CYP7B1: variants seen among roughly 807,000 people sequenced by gnomAD.
The protein encoded by CYP7B1 is cytochrome P450 7B1.
In CYP7B1, 29 loss-of-function variants were observed where a neutral mutation model predicts 42.7. The observed-to-expected ratio is 0.68, with a 90% CI of 0.51 to 0.93. The LOEUF (loss-of-function observed/expected upper bound fraction) is 0.93, where lower values mean the gene tolerates loss of function less well. Ranked by LOEUF, CYP7B1 falls within the 40% of genes least tolerant of loss-of-function variation. The probability of loss-of-function intolerance (pLI) is 0.00; values close to 1 mark genes in which losing one functional copy is unlikely to be tolerated. For synonymous variants in CYP7B1, 235 were observed against 218.2 expected, an observed-to-expected ratio of 1.08 and a Z score of -0.68; for missense variants, 655 against 600.5, an observed-to-expected ratio of 1.09 and a Z score of -0.95.
rs561811410 is a variant in CYP7B1, at chr8:64,755,639, C to T, written c.122+42827G>A. 7.2e-5 allele frequency among the ~76,000 whole-genome samples: 11 copies of T among 151,850 alleles called. No individual in the cohort carries two copies. The South Asian group carries it at 1.0e-3, about 14-fold the overall frequency. ...TCACCATGTTGGTCAGGCTGGAGACCGGCAAATTTTTTTCTGTACAAAGCT... is the reference window on the plus strand; with the variant it reads ...TCACCATGTTGGTCAGGCTGGAGACTGGCAAATTTTTTTCTGTACAAAGCT... On this transcript the variant is annotated intron_variant, in intron 1 of 5. Coordinates refer to ENST00000310193, the MANE Select transcript of CYP7B1 (RefSeq NM_004820.5).
chr8:64,625,304 G>A (rs1371068728), intron 1 of CYP7B1, among the ~76,000 whole-genome samples: 1 of 152,108 alleles, frequency 6.6e-6, no homozygotes, highest in Non-Finnish European at 1.5e-5. Context: ...TTGCATCCTG[G>A]TGAGCAATTT....
intron 4 of CYP7B1, among the ~76,000 whole-genome samples, chr8:64,614,623 G>A (rs1404401921): frequency 6.6e-6 from 1 of 152,084 alleles, no homozygotes; most frequent in Non-Finnish European, 1.5e-5. Context: ...TCATTTTAGG[G>A]AAGAAATACA....
chr8:64,642,339 C>G (rs1805870271), intron 1 of CYP7B1, among the ~76,000 whole-genome samples: 1 of 151,912 alleles, frequency 6.6e-6, no homozygotes, highest in Non-Finnish European at 1.5e-5. Flanking sequence ...CACTTTCTAC[C>G]CAGGGTCCAC....
chr8:64,683,406 T>C (rs952066900), intron 1 of CYP7B1, among the ~76,000 whole-genome samples: 1 of 152,156 alleles, frequency 6.6e-6, no homozygotes, highest in Non-Finnish European at 1.5e-5. Context: ...ATTGAACTCC[T>C]GGGCACAGAG....
Position 64,769,120 on chromosome 8 carries a change from C to T in CYP7B1, c.122+29346G>A, listed in dbSNP as rs373336752. On this transcript the variant is annotated intron_variant, in intron 1 of 5. Transcript: ENST00000310193. ...AATTATCACAATCATTAGTTGCAAA[C>T]AATTGAGTAAAACCAAATAAATGCA... is the stretch of plus-strand genomic sequence containing the variant. 3.9e-5 allele frequency among the ~76,000 whole-genome samples: 6 copies of T among 152,150 alleles called. No homozygotes were observed. The East Asian group carries it at 7.7e-4, about 19-fold the overall frequency.
chr8:64,620,915 T>C (rs935747475), intron 2 of CYP7B1, among the ~76,000 whole-genome samples: 14 of 152,234 alleles, frequency 9.2e-5, no homozygotes, highest in Admixed American at 7.2e-4. Flanking sequence ...GGCTATTTTT[T>C]TGAAAAGTGA....
intron 1 of CYP7B1, among the ~76,000 whole-genome samples, chr8:64,722,740 C>CG (rs1807258623): frequency 1.7e-3 from 10 of 5,820 alleles, no homozygotes; most frequent in Admixed American, 2.5e-3. Flanking sequence ...TGATTTTTTG[C>CG]GGCGGGGGGG....
At chr8:64,627,944 A>G (rs1298646155) in intron 1 of CYP7B1, among the ~76,000 whole-genome samples, 1 of 152,222 alleles carries the variant, frequency 6.6e-6, no homozygotes, top group South Asian at 2.1e-4. Flanking sequence ...CACACAGCAC[A>G]GTGCAAATAC....
intron 1 of CYP7B1, among the ~76,000 whole-genome samples, chr8:64,703,163 C>A (rs890576322): frequency 2.0e-5 from 3 of 152,078 alleles, no homozygotes; most frequent in African/African-American, 7.2e-5. Flanking sequence ...TCTCACATTT[C>A]TTTCAACAAT....
intron 1 of CYP7B1, among the ~76,000 whole-genome samples, chr8:64,786,859 C>A (rs1427373181): frequency 6.6e-6 from 1 of 152,248 alleles, no homozygotes; most frequent in Admixed American, 6.5e-5. Context: ...CCTCTGTAAT[C>A]TAGGCAGAGA....
chr8:64,728,011 C>T (rs892340046), intron 1 of CYP7B1: 2 of 152,236 alleles, frequency 1.3e-5, no homozygotes, highest in East Asian at 1.9e-4. Flanking sequence ...ATGCTTGCCA[C>T]TCATTTGGAC....
chr8:64,624,383 T>TTAA lies in CYP7B1; in HGVS notation c.259+17_259+19dup, dbSNP rs761818424. The TTAA allele has an allele frequency of 6.2e-7, 1 of 1,611,306 alleles. No individual in the cohort carries two copies. The highest frequency in any genetic ancestry group is 8.5e-7 in the Non-Finnish European group (1 of 1,177,992). On this transcript the variant is annotated intron_variant, in intron 2 of 5. Transcript: ENST00000310193. Reference sequence around the variant, plus strand: ...GAAAAATGATGACATATATAAGGTATTAATAGAAGTGCTTCTTACCACCAA... The same window carrying TTAA: ...GAAAAATGATGACATATATAAGGTATTAATAATAGAAGTGCTTCTTACCACCAA...
At chr8:64,796,804 A>G (rs1448717146) in intron 1 of CYP7B1, among the ~76,000 whole-genome samples, 1 of 152,230 alleles carries the variant, frequency 6.6e-6, no homozygotes, top group Non-Finnish European at 1.5e-5. Flanking sequence ...TTTTATTAAC[A>G]TATATTCATG....
At chr8:64,617,073 G>A (rs1805459955) in intron 2 of CYP7B1, among the ~76,000 whole-genome samples, 2 of 152,146 alleles carry the variant, frequency 1.3e-5, no homozygotes, top group South Asian at 4.1e-4. Context: ...GTGAAACACA[G>A]CATAAGGAAA....
chr8:64,636,470 T>C (rs1361121798), intron 1 of CYP7B1, among the ~76,000 whole-genome samples: 1 of 152,232 alleles, frequency 6.6e-6, no homozygotes, highest in Non-Finnish European at 1.5e-5. Flanking sequence ...TTTATTATAT[T>C]ATCTCTGTAC....
chr8:64,586,848 G>C (rs1804974945), downstream of CYP7B1, among the ~76,000 whole-genome samples: 1 of 152,184 alleles, frequency 6.6e-6, no homozygotes, highest in Non-Finnish European at 1.5e-5. Context: ...TATACAACTT[G>C]AAAGTCTCTG....
chr8:64,791,374 T>A (rs1804614805), intron 1 of CYP7B1, among the ~76,000 whole-genome samples: 2 of 152,222 alleles, frequency 1.3e-5, no homozygotes, highest in Non-Finnish European at 2.9e-5. Context: ...AAAGGGACTT[T>A]ACAGATGTGA....
intron 5 of CYP7B1, among the ~76,000 whole-genome samples, chr8:64,600,004 C>T (rs1178933670): frequency 6.6e-6 from 1 of 151,930 alleles, no homozygotes; most frequent in Non-Finnish European, 1.5e-5. Context: ...AATGCTATTC[C>T]CATAGTAGAG....
At chr8:64,793,977 A>G (rs887410374) in intron 1 of CYP7B1, among the ~76,000 whole-genome samples, 7 of 151,872 alleles carry the variant, frequency 4.6e-5, no homozygotes, top group African/African-American at 1.7e-4. Context: ...AAAAAAAACA[A>G]TCAACCAATT....
Sources: allele counts gnomAD v4.1 joint callset (sites outside exome capture counted in the v4.1 genomes callset), GRCh38; gene constraint gnomAD v4.1.1; transcripts MANE v1.5; gene names NCBI Gene and HGNC (gene_info 2026-07-23, HGNC 2026-07-21).